Variants in MIA3 observed in about 807,000 individuals in gnomAD.
MIA3 encodes the protein transport and Golgi organization protein 1 homolog.
MIA3 carries 90 observed loss-of-function variants against 192.4 expected under a neutral mutation model. That is an observed-to-expected ratio of 0.47 (90% CI 0.39 to 0.56). The LOEUF is 0.56. Among genes scored for constraint, MIA3 ranks in the 20% least tolerant of loss-of-function variants. The pLI, the probability that MIA3 is intolerant of heterozygous loss-of-function variation, is 0.00. For missense variants in MIA3, 2,123 were observed against 2,269.4 expected, an observed-to-expected ratio of 0.94 and a Z score of 1.31; for synonymous variants, 740 against 792.8, an observed-to-expected ratio of 0.93 and a Z score of 1.12.
At chr1:222,618,297 G>T in intron 1 of MIA3, 54 bp downstream of exon 1, 1 of 1,315,604 alleles carries the variant, frequency 7.6e-7, no homozygotes, top group Non-Finnish European at 9.8e-7. Flanking sequence ...TGGGGTCTCC[G>T]CCGGCCCCGG....
intron 2 of MIA3, among the ~76,000 whole-genome samples, chr1:222,621,645 A>C (rs1397179459): frequency 6.6e-6 from 1 of 152,182 alleles, no homozygotes; most frequent in Admixed American, 6.5e-5. Context: ...TATATGTGAG[A>C]GAGTGTTTCA....
At chr1:222,630,442 C>T (rs1253006962) in intron 4 of MIA3, 53 bp downstream of exon 4, 6 of 1,514,182 alleles carry the variant, frequency 4.0e-6, no homozygotes, top group South Asian at 1.3e-5. Flanking sequence ...GTGGGTGGGT[C>T]GCTGAGGTGC....
chr1:222,665,514 AC>A lies in MIA3; in HGVS notation c.5621del (p.Pro1874LeufsTer3). Reference protein sequence around the residue: ...THGPQEYPPPPAVRDLLPSGS... With the variant: ...THGPQEYPPPXAVRDLLPSGS... ...ATGGTCCCCAGGAATACCCACCACC[AC>A]CTGCTGTAAGAGACTTACTGCCGTC... On this transcript the variant is annotated frameshift_variant, in exon 28 of 28. Coordinates refer to ENST00000344922, the MANE Select transcript of MIA3 (RefSeq NM_198551.4). LOFTEE classifies it low-confidence loss of function (END_TRUNC). 6.2e-7 allele frequency: 1 copy of A among 1,613,820 alleles called. No individual in the cohort carries two copies. The highest frequency in any genetic ancestry group is 1.1e-5 in the South Asian group (1 of 91,060).
At chr1:222,646,477 C>T (rs958245141) in intron 7 of MIA3, among the ~76,000 whole-genome samples, 4 of 150,766 alleles carry the variant, frequency 2.7e-5, no homozygotes, top group Non-Finnish European at 4.4e-5. Context: ...CATGGCCGGG[C>T]GTGGTGGCTC....
chr1:222,632,027 ATT>A, intron 4 of MIA3, 136 bp from the exon 5 acceptor site: 1 of 618,858 alleles, frequency 1.6e-6, no homozygotes, highest in Non-Finnish European at 2.8e-6. Context: ...TGAAACTCTT[ATT>A]TCCCTGCCCA....
intron 1 of MIA3, among the ~76,000 whole-genome samples, chr1:222,618,619 G>A (rs554258627): frequency 1.3e-5 from 2 of 152,258 alleles, no homozygotes; most frequent in African/African-American, 4.8e-5. Context: ...GGCTCGGAGG[G>A]TAGATGTGGT....
At chr1:222,641,019 C>T (rs1417518810) in intron 6 of MIA3, among the ~76,000 whole-genome samples, 1 of 152,200 alleles carries the variant, frequency 6.6e-6, no homozygotes, top group Non-Finnish European at 1.5e-5. Flanking sequence ...TGAGTTACCA[C>T]TACACACTTA....
rs185099170 is a variant in MIA3 at position 222,659,624 on chromosome 1, C to T, written c.4773C>T (p.Ile1591=). 4.0e-5 allele frequency: 65 copies of T among 1,613,840 alleles called. No homozygotes were observed. The Admixed American group carries it at 6.2e-4, about 15-fold the overall frequency. Reference sequence around the variant, plus strand: ...TTGTGATGTATTATCTTTTTCAGATCGCTACCCATGAGAAGAAAGCTCATG... The same window carrying T: ...TTGTGATGTATTATCTTTTTCAGATTGCTACCCATGAGAAGAAAGCTCATG... ...QKTERSFKNQ[I]ATHEKKAHEN... Residue 1591 remains isoleucine (I), a splice_region_variant and synonymous_variant, in exon 21 of 28, where the codon ATC becomes ATT. Coordinates refer to ENST00000344922, the MANE Select transcript of MIA3 (RefSeq NM_198551.4).
At chr1:222,643,725 G>A (rs1466897690) in intron 6 of MIA3, among the ~76,000 whole-genome samples, 1 of 151,996 alleles carries the variant, frequency 6.6e-6, no homozygotes, top group African/African-American at 2.4e-5. Context: ...GAGCCCCGGA[G>A]TTCGAGTCCA....
chr1:222,630,582 T>G (rs1216960036), intron 4 of MIA3, among the ~76,000 whole-genome samples, 193 bp downstream of exon 4: 1 of 152,194 alleles, frequency 6.6e-6, no homozygotes, highest in Non-Finnish European at 1.5e-5. Flanking sequence ...TCTTGCCGTT[T>G]CCCTTAGAAT....
chr1:222,665,276 A>G (rs757203765), intron 27 of MIA3, 33 bp from the exon 28 acceptor site: 16 of 1,471,378 alleles, frequency 1.1e-5, no homozygotes, highest in Admixed American at 4.2e-5. Flanking sequence ...ATACGTTCCT[A>G]GGAATTTACT....
At chr1:222,654,838 A>G in intron 18 of MIA3, 45 bp downstream of exon 18, 1 of 1,518,482 alleles carries the variant, frequency 6.6e-7, no homozygotes, top group Non-Finnish European at 9.1e-7. Flanking sequence ...TCATGTCAGT[A>G]AATAAATGTG....
intron 1 of MIA3, among the ~76,000 whole-genome samples, chr1:222,620,331 T>C (rs1241222381): frequency 6.6e-6 from 1 of 152,244 alleles, no homozygotes; most frequent in Non-Finnish European, 1.5e-5. Context: ...AGCCAGTTTC[T>C]AGATCAAGCG....
chr1:222,657,662 CAG>C (rs1391162314), intron 18 of MIA3, among the ~76,000 whole-genome samples: 5 of 152,158 alleles, frequency 3.3e-5, no homozygotes, highest in African/African-American at 4.8e-5. Context: ...CTTCCTAAGC[CAG>C]AGTCAGAGAG....
rs559277921 is a variant in MIA3, at chr1:222,650,289, C to T, written c.3632-3C>T. The T allele has an allele frequency of 6.3e-7, 1 of 1,577,110 alleles. No individual in the cohort carries two copies. The highest frequency in any genetic ancestry group is 8.7e-7 in the Non-Finnish European group (1 of 1,149,644). ...TAACCTTATTATTTTTTTCTTTTTT[C>T]AGTCACGGAACAGCAAATTTCTGAG... On this transcript the variant is annotated splice_polypyrimidine_tract_variant and splice_region_variant and intron_variant, in intron 8 of 27. Coordinates refer to ENST00000344922, the MANE Select transcript of MIA3 (RefSeq NM_198551.4).
At position 222,654,543 on chromosome 1, in the gene MIA3, T is replaced by TAAAGAGC. The variant is rs1446143131; in HGVS notation, c.4468+65_4468+71dup. The TAAAGAGC allele has an allele frequency of 5.8e-6, 9 of 1,557,300 alleles. No individual in the cohort carries two copies. The East Asian group carries it at 1.8e-4, about 31-fold the overall frequency. On this transcript the variant is annotated intron_variant, in intron 17 of 27. Transcript: ENST00000344922. The stretch of plus-strand genomic sequence containing the variant: ...AAGATACAAAATTGCATTAGAAAGA[T>TAAAGAGC]AAAGAGCGGCTTCCTGCTTTCATAC...
intron 1 of MIA3, among the ~76,000 whole-genome samples, chr1:222,619,974 G>C (rs1418020850): frequency 6.6e-6 from 1 of 152,190 alleles, no homozygotes; most frequent in East Asian, 1.9e-4. Flanking sequence ...ATTGTAAGGG[G>C]GAGCAAAAGA....
intron 18 of MIA3, among the ~76,000 whole-genome samples, chr1:222,656,116 C>T (rs1269461426): frequency 6.6e-6 from 1 of 151,604 alleles, no homozygotes; most frequent in African/African-American, 2.4e-5. Context: ...ACTACAGGCG[C>T]CCGCCACCAT....
Position 222,629,380 on chromosome 1 carries a change from A to G in MIA3, c.2160A>G (p.Val720=). The G allele has an allele frequency of 6.2e-7, 1 of 1,614,220 alleles. No individual in the cohort carries two copies. The highest frequency in any genetic ancestry group is 8.5e-7 in the Non-Finnish European group (1 of 1,180,026). The change falls in exon 4 of 28, where the codon GTA becomes GTG. Residue 720 remains valine, a synonymous_variant. Transcript: ENST00000344922. ...STGGPAFLSK[V]EEDDYPSEEL... Reference sequence around the variant, plus strand: ...GAGGACCAGCTTTCCTTTCTAAAGTAGAAGAGGATGATTATCCCTCTGAAG... The same window carrying G: ...GAGGACCAGCTTTCCTTTCTAAAGTGGAAGAGGATGATTATCCCTCTGAAG...
Sources: gnomAD v4.1 joint callset for allele counts (sites outside exome capture counted in the v4.1 genomes callset) on GRCh38, gnomAD v4.1.1 for gene constraint, MANE v1.5 for transcripts, NCBI Gene and HGNC (gene_info 2026-07-23, HGNC 2026-07-21) for gene names.